SAMD5: variants seen among roughly 807,000 people sequenced by gnomAD.
SAMD5 encodes the protein sterile alpha motif domain-containing protein 5.
A neutral mutation model predicts 11.3 loss-of-function variants in SAMD5; 13 were observed. The ratio of observed to expected loss-of-function variants is 1.15; its 90% CI spans 0.75 to 1.83. SAMD5 has a LOEUF of 1.83. Among genes scored for constraint, SAMD5 ranks in the 40% most tolerant of loss-of-function variants. The probability of loss-of-function intolerance (pLI) is 0.00; values close to 1 mark genes in which losing one functional copy is unlikely to be tolerated. For synonymous variants in SAMD5, 129 were observed against 111.3 expected, an observed-to-expected ratio of 1.16 and a Z score of -1.00; for missense variants, 255 against 239.1, an observed-to-expected ratio of 1.07 and a Z score of -0.44.
chr6:147,691,735 T>A (rs2128457100), intron 1 of SAMD5, among the ~76,000 whole-genome samples: 1 of 152,338 alleles, frequency 6.6e-6, no homozygotes, highest in Non-Finnish European at 1.5e-5. Context: ...TTGACTTGCT[T>A]ATTTGAGACT....
intron 1 of SAMD5, among the ~76,000 whole-genome samples, chr6:147,705,435 A>G (rs920726786): frequency 6.6e-6 from 1 of 152,198 alleles, no homozygotes; most frequent in South Asian, 2.1e-4. Context: ...TGATGCATCT[A>G]TCCATTTAAA....
At chr6:147,817,770 G>A in the SAMD5 span, among the ~76,000 whole-genome samples, 11 of 152,154 alleles carry the variant, frequency 7.2e-5, no homozygotes, top group Admixed American at 2.0e-4. Context: ...TGCCCCTGTC[G>A]TGAGTGTTAT....
intron 1 of SAMD5, among the ~76,000 whole-genome samples, chr6:147,548,403 C>G (rs545102510): frequency 6.6e-6 from 1 of 152,280 alleles, no homozygotes; most frequent in African/African-American, 2.4e-5. Context: ...GTCTATGTTA[C>G]ATGTCTAATT....
chr6:147,605,307 G>T lies in SAMD5; in HGVS notation c.162+95920G>T, dbSNP rs185432684. ...TTTACATATTTTTGTAGAGATGGGG[G>T]TCTCACTCTGTTGGCCAAGCTGATC... On this transcript the variant is annotated intron_variant, in intron 1 of 1. Coordinates refer to the SAMD5 transcript ENST00000566741. Among the ~76,000 whole-genome samples the T allele has an allele frequency of 3.9e-5, 6 of 152,198 alleles. No homozygotes were observed. In the South Asian group the frequency reaches 6.2e-4, roughly 16 times the overall value.
At chr6:147,888,190 G>T in the SAMD5 span, among the ~76,000 whole-genome samples, 1 of 151,980 alleles carries the variant, frequency 6.6e-6, no homozygotes, top group Non-Finnish European at 1.5e-5. Context: ...TATAGATCAT[G>T]CTTTTGGCAT....
chr6:147,872,772 G>T, the SAMD5 span, among the ~76,000 whole-genome samples: 1 of 152,114 alleles, frequency 6.6e-6, no homozygotes, highest in African/African-American at 2.4e-5. Flanking sequence ...CTGTGTTCAG[G>T]CCACACTAAT....
intron 1 of SAMD5, among the ~76,000 whole-genome samples, chr6:147,639,765 C>T (rs944586615): frequency 1.9e-4 from 29 of 152,154 alleles, no homozygotes; most frequent in African/African-American, 7.0e-4. Context: ...AAGAGTTATT[C>T]AGATTGATCA....
the SAMD5 span, among the ~76,000 whole-genome samples, chr6:147,900,663 A>G: frequency 6.6e-6 from 1 of 151,248 alleles, no homozygotes; most frequent in Admixed American, 6.6e-5. Flanking sequence ...ACTGTCACTA[A>G]TTGTGCCAGT....
chr6:147,950,616 C>G, the SAMD5 span, among the ~76,000 whole-genome samples: 1 of 152,168 alleles, frequency 6.6e-6, no homozygotes, highest in African/African-American at 2.4e-5. Flanking sequence ...CCTTCTCCTC[C>G]TTCCTAATGG....
At chr6:147,916,854 A>G in the SAMD5 span, among the ~76,000 whole-genome samples, 7 of 150,434 alleles carry the variant, frequency 4.7e-5, no homozygotes, top group Middle Eastern at 3.4e-3. Flanking sequence ...ATGATTTCCA[A>G]TTTCATCCAT....
At chr6:147,774,578 C>T in the SAMD5 span, among the ~76,000 whole-genome samples, 1 of 151,916 alleles carries the variant, frequency 6.6e-6, no homozygotes, top group African/African-American at 2.4e-5. Flanking sequence ...GTCTTTTCTC[C>T]TTGTATTATT....
chr6:147,563,072 C>T (rs765545611), intron 1 of SAMD5, among the ~76,000 whole-genome samples: 1 of 152,112 alleles, frequency 6.6e-6, no homozygotes, highest in East Asian at 1.9e-4. Flanking sequence ...AGTAGGATAT[C>T]GTTACTTAGT....
chr6:147,551,882 T>C (rs1788781615), intron 1 of SAMD5, among the ~76,000 whole-genome samples: 1 of 134,042 alleles, frequency 7.5e-6, no homozygotes, highest in Non-Finnish European at 1.6e-5. Flanking sequence ...ATGTAATATT[T>C]TTAAACCTGA....
At chr6:147,713,746 A>G (rs1583149949) in intron 1 of SAMD5, among the ~76,000 whole-genome samples, 2 of 152,248 alleles carry the variant, frequency 1.3e-5, no homozygotes, top group South Asian at 4.2e-4. Context: ...CTATTTCTTT[A>G]TCTTTCCAAG....
At chr6:147,846,410 G>T in the SAMD5 span, among the ~76,000 whole-genome samples, 4 of 152,300 alleles carry the variant, frequency 2.6e-5, no homozygotes, top group Non-Finnish European at 5.9e-5. Flanking sequence ...TTTGTGAATT[G>T]TGCCAATGTC....
chr6:147,549,378 G>A (rs1435003362), intron 1 of SAMD5, among the ~76,000 whole-genome samples: 2 of 152,182 alleles, frequency 1.3e-5, no homozygotes, highest in Admixed American at 1.3e-4. Context: ...ATGTACTCCT[G>A]TGGGAACTGA....
At chr6:147,768,087 T>C in the SAMD5 span, among the ~76,000 whole-genome samples, 1 of 152,192 alleles carries the variant, frequency 6.6e-6, no homozygotes, top group Admixed American at 6.5e-5. Flanking sequence ...AATTAACAAT[T>C]CAACTGCATC....
Position 147,630,930 on chromosome 6 carries a change from C to T in SAMD5, c.163-106387C>T, listed in dbSNP as rs992277442. On this transcript the variant is annotated intron_variant, in intron 1 of 1. Transcript: ENST00000566741. Reference sequence around the variant, plus strand: ...GTCTTCCTTTGGTGTTTAATCACTGCGGGGATGCCTGCTTGATTATTCACC... The same window carrying T: ...GTCTTCCTTTGGTGTTTAATCACTGTGGGGATGCCTGCTTGATTATTCACC... Among the ~76,000 whole-genome samples the T allele has an allele frequency of 3.3e-5, 5 of 152,024 alleles. 1 individual carries two copies. The highest frequency in any genetic ancestry group is 4.2e-4 in the South Asian group (2 of 4,816).
At chr6:147,951,409 T>C in the SAMD5 span, among the ~76,000 whole-genome samples, 27 of 152,124 alleles carry the variant, frequency 1.8e-4, no homozygotes, top group Non-Finnish European at 3.2e-4. Flanking sequence ...TTCGATATCC[T>C]GGCCTCGTGA....
Sources: gnomAD v4.1 joint callset for allele counts (sites outside exome capture counted in the v4.1 genomes callset) on GRCh38, gnomAD v4.1.1 for gene constraint, MANE v1.5 for transcripts, NCBI Gene and HGNC (gene_info 2026-07-23, HGNC 2026-07-21) for gene names.